The following AFAP1L2 variants were observed in gnomAD, a reference collection of about 807,000 sequenced individuals.
AFAP1L2 encodes actin filament associated protein 1 like 2.
AFAP1L2 carries 46 observed loss-of-function variants against 99.3 expected under a neutral mutation model. The ratio of observed to expected loss-of-function variants is 0.46; its 90% CI spans 0.37 to 0.59. The LOEUF (loss-of-function observed/expected upper bound fraction) is 0.59, where lower values mean the gene tolerates loss of function less well. AFAP1L2 is among the 20% of genes least tolerant of loss of function. The pLI is 0.00. For synonymous variants in AFAP1L2, 397 were observed against 419.1 expected (o/e 0.95, Z 0.64); for missense variants, 959 against 1,034.9 (o/e 0.93, Z 1.01).
chr10:114,337,119 T>G (rs2048097798), intron 2 of AFAP1L2, among the ~76,000 whole-genome samples: 1 of 152,196 alleles, frequency 6.6e-6, no homozygotes, highest in East Asian at 1.9e-4. Flanking sequence ...GCGGTATGTG[T>G]GTTTACGATT....
chr10:114,379,175 T>A (rs2055234520), intron 1 of AFAP1L2, among the ~76,000 whole-genome samples: 1 of 150,282 alleles, frequency 6.7e-6, no homozygotes, highest in Admixed American at 6.7e-5. Flanking sequence ...ATCGCACCAC[T>A]GCACTCCAGC....
At chr10:114,387,431 G>T (rs1482654940) in intron 1 of AFAP1L2, among the ~76,000 whole-genome samples, 2 of 152,152 alleles carry the variant, frequency 1.3e-5, no homozygotes, top group Non-Finnish European at 2.9e-5. Context: ...GAACCTAATG[G>T]CAGCATTACT....
At chr10:114,296,589 AC>A (rs1289970501) in intron 18 of AFAP1L2, 4 of 238,446 alleles carry the variant, frequency 1.7e-5, no homozygotes, top group Non-Finnish European at 2.5e-5. Flanking sequence ...AATTCAAACC[AC>A]CTATGTGAGT....
At chr10:114,339,527 C>A (rs1247737271) in intron 2 of AFAP1L2, among the ~76,000 whole-genome samples, 1 of 152,196 alleles carries the variant, frequency 6.6e-6, no homozygotes, top group Admixed American at 6.5e-5. Context: ...GGGGCTCGGG[C>A]CCAACTCGGG....
chr10:114,301,381 G>T lies in AFAP1L2; in HGVS notation c.1515C>A (p.Asp505Glu). The T allele has an allele frequency of 6.2e-7, 1 of 1,614,214 alleles. No homozygotes were observed. The highest frequency in any genetic ancestry group is 8.5e-7 in the Non-Finnish European group (1 of 1,180,008). ...SQDRQEELYDDVDLSELTAAV... is the reference protein window; with the variant it reads ...SQDRQEELYDEVDLSELTAAV... ...CAGCTGTGAGCTCTGACAGGTCCAC[G>T]TCGTCATACAGCTCCTCCTGGCGGT... Residue 505 changes from aspartate (D) to glutamate (E), a missense_variant, in exon 13 of 19, where the codon GAC becomes GAA. Around this residue, in one of 2 missense-constraint regions of AFAP1L2, gnomAD observed 576 missense variants for 562.1 expected, o/e 1.02. Coordinates refer to ENST00000304129, the MANE Select transcript of AFAP1L2 (RefSeq NM_001001936.3).
rs11196696 is a variant in AFAP1L2 at position 114,320,326 on chromosome 10, G to A, written c.406+2845C>T. On this transcript the variant is annotated intron_variant, in intron 5 of 18. Coordinates refer to ENST00000304129, the MANE Select transcript of AFAP1L2 (RefSeq NM_001001936.3). ...CTGATAGAGCAGGTCAAGAATCCAAGCAACTGGCCTTTTGCAAGAAGTCAG... is the reference window on the plus strand; with the variant it reads ...CTGATAGAGCAGGTCAAGAATCCAAACAACTGGCCTTTTGCAAGAAGTCAG... 1.5e-3 allele frequency among the ~76,000 whole-genome samples: 229 copies of A among 152,328 alleles called. 2 individuals are homozygous for A. Among genetic ancestry groups the A allele is most frequent in the African/African-American group, 5.1e-3 (214 of 41,574 alleles).
intron 3 of AFAP1L2, 96 bp downstream of exon 3, chr10:114,333,125 G>A (rs562847213): frequency 2.7e-5 from 32 of 1,165,866 alleles, no homozygotes; most frequent in Non-Finnish European, 3.4e-5. Context: ...TCTGTGTGCC[G>A]GCTGGGAGGA....
intron 1 of AFAP1L2, among the ~76,000 whole-genome samples, chr10:114,345,878 G>A (rs138284632): frequency 4.6e-4 from 66 of 143,034 alleles, no homozygotes; most frequent in African/African-American, 7.7e-4. Context: ...GTGGAGATGC[G>A]GAAAGCCATC....
At position 114,300,563 on chromosome 10, in the gene AFAP1L2, G is replaced by T; in HGVS notation, c.1670C>A (p.Ala557Asp). 1 of 1,614,194 alleles carries T rather than the reference G, an allele frequency of 6.2e-7. No individual in the cohort carries two copies. The change falls in exon 14 of 19, where the codon GCC becomes GAC. Residue 557 changes from alanine (A) to aspartate (D), a missense_variant. Ala to Asp is a moderately radical substitution (Grantham distance 126). Transcript: ENST00000304129. ...LHGPSSAQAQ[A>D]SSPTLSCLDN... ...CAGGCAGGACAACGTCGGGGAGGAG[G>T]CCTGGGCCTGTGCACTGCTGGGGCC...
At chr10:114,322,727 G>A (rs1221833268) in intron 5 of AFAP1L2, among the ~76,000 whole-genome samples, 3 of 152,174 alleles carry the variant, frequency 2.0e-5, no homozygotes, top group African/African-American at 7.2e-5. Context: ...CACAGCGGGA[G>A]CACCATAACT....
At chr10:114,359,180 G>C (rs1480303918) in intron 1 of AFAP1L2, among the ~76,000 whole-genome samples, 1 of 152,214 alleles carries the variant, frequency 6.6e-6, no homozygotes, top group Non-Finnish European at 1.5e-5. Flanking sequence ...ACACTGAGTT[G>C]TTCAAACACT....
chr10:114,307,562 A>G (rs1185673157), intron 10 of AFAP1L2, among the ~76,000 whole-genome samples: 1 of 151,950 alleles, frequency 6.6e-6, no homozygotes, highest in Non-Finnish European at 1.5e-5. Flanking sequence ...TACTAGGAGG[A>G]CACCAATCAG....
At chr10:114,282,568 C>T in the AFAP1L2 span, 1 of 1,613,840 alleles carries the variant, frequency 6.2e-7, no homozygotes, top group Non-Finnish European at 8.5e-7. Flanking sequence ...GACCACCTGC[C>T]CAGGTATGGT....
chr10:114,357,727 G>A (rs767845786), intron 1 of AFAP1L2, among the ~76,000 whole-genome samples: 1 of 152,142 alleles, frequency 6.6e-6, no homozygotes, highest in Non-Finnish European at 1.5e-5. Context: ...TTGCAATTCT[G>A]TTTGCATTAA....
chr10:114,313,808 C>T (rs2043653789), intron 7 of AFAP1L2, 63 bp downstream of exon 7: 3 of 1,502,618 alleles, frequency 2.0e-6, no homozygotes, highest in African/African-American at 1.4e-5. Flanking sequence ...TCATCCATCC[C>T]TTTAGAAAAG....
chr10:114,401,239 T>C (rs1402983918), intron 1 of AFAP1L2, among the ~76,000 whole-genome samples: 1 of 152,158 alleles, frequency 6.6e-6, no homozygotes, highest in Non-Finnish European at 1.5e-5. Context: ...TGTATCCAAG[T>C]ATGATGCAAT....
chr10:114,350,714 A>C, intron 1 of AFAP1L2, among the ~76,000 whole-genome samples: 1 of 152,244 alleles, frequency 6.6e-6, no homozygotes, highest in African/African-American at 2.4e-5. Flanking sequence ...CTCTGATGGG[A>C]GAATTTTCTC....
chr10:114,287,738 A>G, the AFAP1L2 span, among the ~76,000 whole-genome samples: 5 of 152,328 alleles, frequency 3.3e-5, no homozygotes, highest in East Asian at 9.6e-4. Flanking sequence ...ATAATTGACA[A>G]TAGTGGAGAG....
chr10:114,313,836 A>G (rs772575469), intron 7 of AFAP1L2, 35 bp downstream of exon 7: 3 of 1,557,594 alleles, frequency 1.9e-6, no homozygotes, highest in Non-Finnish European at 2.6e-6. Context: ...CCACAACTCT[A>G]GGAACCCCTC....
Sources: allele counts gnomAD v4.1 joint callset (sites outside exome capture counted in the v4.1 genomes callset), GRCh38; gene constraint gnomAD v4.1.1; regional missense constraint gnomAD v4.1.1; transcripts MANE v1.5; gene names NCBI Gene and HGNC (gene_info 2026-07-23, HGNC 2026-07-21).